The following NAV3 variants were observed in gnomAD, a reference collection of about 807,000 sequenced individuals.
NAV3 encodes neuron navigator 3, also known as pore membrane and/or filament interacting like protein 1.
In NAV3, 87 loss-of-function variants were observed where a neutral mutation model predicts 244.7. That is an observed-to-expected ratio of 0.36 (90% CI 0.30 to 0.42). The LOEUF (loss-of-function observed/expected upper bound fraction) is 0.42. Among genes scored for constraint, NAV3 ranks in the 20% least tolerant of loss-of-function variants. The pLI is 1.00. For synonymous variants in NAV3, 1,126 were observed against 1,042.2 expected, an observed-to-expected ratio of 1.08 and a Z score of -1.55; for missense variants, 2,663 against 2,893.3, an observed-to-expected ratio of 0.92 and a Z score of 1.83.
chr12:77,841,055 T>C (rs1234073596), intron 1 of NAV3, among the ~76,000 whole-genome samples: 1 of 152,246 alleles, frequency 6.6e-6, no homozygotes, highest in Admixed American at 6.5e-5. Flanking sequence ...ACTGTTTTAC[T>C]TTGGATTACT....
intron 18 of NAV3, among the ~76,000 whole-genome samples, chr12:78,132,972 G>C (rs1457316482): frequency 5.3e-5 from 8 of 152,058 alleles, no homozygotes; most frequent in African/African-American, 1.9e-4. Context: ...CAATAGACAG[G>C]AACCTGTGAT....
intron 3 of NAV3, chr12:77,950,565 T>G (rs1305709060): frequency 6.6e-6 from 1 of 152,140 alleles, no homozygotes; most frequent in Non-Finnish European, 1.5e-5. Context: ...TGGAAATAAC[T>G]ACTTTAAAGT....
chr12:77,859,519 A>G (rs547002722), intron 1 of NAV3, among the ~76,000 whole-genome samples: 5 of 152,092 alleles, frequency 3.3e-5, no homozygotes, highest in African/African-American at 1.2e-4. Context: ...TGGGTGATGA[A>G]AAGACGAGTT....
intron 1 of NAV3, among the ~76,000 whole-genome samples, chr12:77,896,550 T>C (rs1418477150): frequency 6.6e-6 from 1 of 152,224 alleles, no homozygotes; most frequent in African/African-American, 2.4e-5. Flanking sequence ...CTATATTTGT[T>C]CCTTCTTAAT....
intron 8 of NAV3, among the ~76,000 whole-genome samples, chr12:78,012,153 T>G (rs1230640940): frequency 6.6e-6 from 1 of 152,168 alleles, no homozygotes; most frequent in African/African-American, 2.4e-5. Context: ...TGTTTTTCTC[T>G]TTCAATGACC....
At chr12:77,740,098 C>G (rs1868300130) in intron 2 of NAV3, among the ~76,000 whole-genome samples, 1 of 152,162 alleles carries the variant, frequency 6.6e-6, no homozygotes, top group Non-Finnish European at 1.5e-5. Context: ...GCAATTCTTT[C>G]AATTGTAATA....
At chr12:78,118,544 C>A (rs1479189537) in intron 14 of NAV3, among the ~76,000 whole-genome samples, 2 of 152,172 alleles carry the variant, frequency 1.3e-5, no homozygotes, top group Middle Eastern at 3.2e-3. Flanking sequence ...GGATGCCTTA[C>A]CTTGCCAGAG....
At chr12:77,619,931 A>C (rs889279682) in intron 2 of NAV3, among the ~76,000 whole-genome samples, 1 of 152,126 alleles carries the variant, frequency 6.6e-6, no homozygotes, top group Non-Finnish European at 1.5e-5. Flanking sequence ...CAAATGTTTA[A>C]ATGTTCTATT....
intron 2 of NAV3, among the ~76,000 whole-genome samples, chr12:77,729,146 G>T (rs909730662): frequency 2.0e-5 from 3 of 152,028 alleles, no homozygotes; most frequent in Non-Finnish European, 4.4e-5. Context: ...AGTTCTGGGG[G>T]AAGTGAAAAG....
chr12:77,848,850 C>A (rs572507840), intron 1 of NAV3, among the ~76,000 whole-genome samples: 37 of 152,208 alleles, frequency 2.4e-4, no homozygotes, highest in African/African-American at 8.7e-4. Flanking sequence ...CAGGTGAAAG[C>A]AGAGAAATCT....
chr12:77,868,421 A>G (rs1880415345), intron 1 of NAV3, among the ~76,000 whole-genome samples: 2 of 152,148 alleles, frequency 1.3e-5, no homozygotes, highest in South Asian at 4.1e-4. Context: ...AGAAAGAAAA[A>G]TAGATGATTC....
chr12:78,066,363 C>T (rs1468080767), intron 12 of NAV3, among the ~76,000 whole-genome samples: 1 of 152,034 alleles, frequency 6.6e-6, no homozygotes, highest in Non-Finnish European at 1.5e-5. Context: ...ACTGGTTGAA[C>T]AAATTGCAAG....
chr12:77,884,777 T>C (rs1009596008), intron 1 of NAV3, among the ~76,000 whole-genome samples: 2 of 152,136 alleles, frequency 1.3e-5, no homozygotes, highest in Non-Finnish European at 2.9e-5. Flanking sequence ...AGGTATTCCT[T>C]AATCCACTCA....
At chr12:78,118,929 TC>T (rs1955542786) in intron 14 of NAV3, among the ~76,000 whole-genome samples, 1 of 152,234 alleles carries the variant, frequency 6.6e-6, no homozygotes, top group Admixed American at 6.5e-5. Flanking sequence ...GAATTCTTTT[TC>T]TAGTAATTAG....
At chr12:77,625,947 C>G (rs1565742390) in intron 2 of NAV3, among the ~76,000 whole-genome samples, 1 of 151,902 alleles carries the variant, frequency 6.6e-6, no homozygotes, top group Admixed American at 6.6e-5. Flanking sequence ...AATGAGTAAA[C>G]ACACACAAAA....
intron 1 of NAV3, among the ~76,000 whole-genome samples, chr12:77,899,455 CAAG>C (rs1404648270): frequency 2.0e-5 from 3 of 152,170 alleles, no homozygotes; most frequent in African/African-American, 7.2e-5. Context: ...TTCCAACCAG[CAAG>C]AAGATTACAA....
At chr12:77,746,501 G>A (rs1384215249) in intron 2 of NAV3, among the ~76,000 whole-genome samples, 2 of 152,104 alleles carry the variant, frequency 1.3e-5, no homozygotes, top group African/African-American at 2.4e-5. Flanking sequence ...ATATATGTAT[G>A]TGTATACTAT....
chr12:77,985,065 C>A (rs7968471), intron 5 of NAV3, among the ~76,000 whole-genome samples: 3 of 152,046 alleles, frequency 2.0e-5, no homozygotes, highest in Non-Finnish European at 4.4e-5. Context: ...ATCCAGCCAC[C>A]TAGGCCTCCC....
chr12:77,613,464 T>A (rs1871012202), intron 2 of NAV3, among the ~76,000 whole-genome samples: 2 of 152,164 alleles, frequency 1.3e-5, no homozygotes, highest in African/African-American at 4.8e-5. Flanking sequence ...ACAGCCTTTT[T>A]ACATGAAAAT....
Sources: allele counts gnomAD v4.1 joint callset (sites outside exome capture counted in the v4.1 genomes callset), GRCh38; gene constraint gnomAD v4.1.1; transcripts MANE v1.5; gene names NCBI Gene and HGNC (gene_info 2026-07-23, HGNC 2026-07-21).